Variants in DNAH14 observed in about 807,000 individuals in gnomAD.
DNAH14 encodes the protein axonemal beta dynein heavy chain 14.
Under a neutral mutation model 520.9 loss-of-function variants are expected in DNAH14, and 478 were observed. The observed-to-expected ratio is 0.92, with a 90% CI of 0.85 to 0.99. DNAH14 has a LOEUF of 0.99. Ranked by LOEUF, DNAH14 falls within the 50% of genes least tolerant of loss-of-function variation. DNAH14 has a pLI of 0.00. For synonymous variants in DNAH14, 1,581 were observed against 1,757.2 expected (o/e 0.90, Z 2.51); for missense variants, 4,831 against 5,234.5 (o/e 0.92, Z 2.38).
intron 60 of DNAH14, among the ~76,000 whole-genome samples, chr1:225,313,565 C>T (rs949108210): frequency 2.6e-5 from 4 of 152,140 alleles, no homozygotes; most frequent in African/African-American, 9.7e-5. Flanking sequence ...CTCGCTTTCT[C>T]CTGTGGGCAT....
chr1:225,389,939 C>T, intron 83 of DNAH14, 66 bp downstream of exon 83: 1 of 1,429,508 alleles, frequency 7.0e-7, no homozygotes, highest in Non-Finnish European at 9.5e-7. Flanking sequence ...GTCCTTCTGT[C>T]ACTCACCCTT....
At chr1:225,381,251 C>A in intron 80 of DNAH14, 132 bp from the exon 81 acceptor site, 3 of 881,558 alleles carry the variant, frequency 3.4e-6, no homozygotes, top group Admixed American at 2.9e-5. Flanking sequence ...ATCTGACCTT[C>A]TACAGAAAAT....
At chr1:225,358,421 G>A in intron 73 of DNAH14, 75 bp from the exon 74 acceptor site, 3 of 1,244,980 alleles carry the variant, frequency 2.4e-6, no homozygotes, top group Non-Finnish European at 3.2e-6. Context: ...TCTTATTTTT[G>A]TTTCATTTTA....
rs766191101 is a variant in DNAH14 at position 225,377,430 on chromosome 1, T to C, written c.12710T>C (p.Met4237Thr). ...CCAAAAACTACCACTGCCAACCTCATGATCAGGTAAGAACTCGCTAGGAAA... is the reference window on the plus strand; with the variant it reads ...CCAAAAACTACCACTGCCAACCTCACGATCAGGTAAGAACTCGCTAGGAAA... ...MQPKTTTANL[M>T]IRPEQSKDEL... The change falls in exon 79 of 86, where the codon ATG becomes ACG. Residue 4237 changes from methionine to threonine, a missense_variant. By Grantham distance (81) the Met-to-Thr change is moderately conservative. Transcript: ENST00000682510. 14 of 1,548,642 alleles carry C rather than the reference T, an allele frequency of 9.0e-6. No individual in the cohort carries two copies. Among genetic ancestry groups the C allele is most frequent in the Non-Finnish European group, 1.2e-5 (14 of 1,145,848 alleles).
At chr1:225,177,854 A>G (rs1343833479) in intron 36 of DNAH14, among the ~76,000 whole-genome samples, 5 of 152,196 alleles carry the variant, frequency 3.3e-5, no homozygotes, top group Admixed American at 1.3e-4. Context: ...GCCCCCACAC[A>G]GAGTCTACTG....
At chr1:225,132,931 T>C (rs916218351) in intron 27 of DNAH14, among the ~76,000 whole-genome samples, 3 of 152,236 alleles carry the variant, frequency 2.0e-5, no homozygotes, top group African/African-American at 7.2e-5. Flanking sequence ...TAGCGTGAGA[T>C]GGTATCTCAT....
chr1:225,345,315 G>A (rs186421518), intron 69 of DNAH14, among the ~76,000 whole-genome samples: 1 of 152,216 alleles, frequency 6.6e-6, no homozygotes, highest in Admixed American at 6.5e-5. Context: ...AAGATAGTGA[G>A]GGCTCTAAAA....
At chr1:225,057,503 C>A (rs1035332577) in intron 17 of DNAH14, among the ~76,000 whole-genome samples, 15 of 152,070 alleles carry the variant, frequency 9.9e-5, no homozygotes, top group African/African-American at 1.7e-4. Context: ...CTCTTTTCCT[C>A]ATTGAATACC....
At position 224,982,332 on chromosome 1, in the gene DNAH14, GA is replaced by G. The variant is rs577678901; in HGVS notation, c.830+8181del. ...GACACTCAGCTGGACTGGCAAAGCA[GA>G]ATATCTGTGTGTCAGTGTACATTTT... On this transcript the variant is annotated intron_variant, in intron 8 of 85. Coordinates refer to ENST00000682510, the MANE Select transcript of DNAH14 (RefSeq NM_001367479.1). 4.0e-4 allele frequency among the ~76,000 whole-genome samples: 61 copies of G among 152,296 alleles called. No individual in the cohort carries two copies. In the South Asian group the frequency reaches 0.012, roughly 31 times the overall value.
chr1:224,951,133 T>C (rs79598572), intron 1 of DNAH14, among the ~76,000 whole-genome samples: 8,375 of 152,092 alleles, frequency 0.055, 468 homozygotes, highest in East Asian at 0.24. Flanking sequence ...TCTAGCGATT[T>C]GCCTGCCTCA....
At chr1:224,998,910 TG>T (rs1344852686) in intron 8 of DNAH14, among the ~76,000 whole-genome samples, 1 of 152,196 alleles carries the variant, frequency 6.6e-6, no homozygotes, top group Non-Finnish European at 1.5e-5. Context: ...GTTCAGCTTT[TG>T]TTTGACATTT....
At chr1:225,147,983 C>A (rs1573502491) in intron 31 of DNAH14, among the ~76,000 whole-genome samples, 1 of 152,152 alleles carries the variant, frequency 6.6e-6, no homozygotes, top group African/African-American at 2.4e-5. Context: ...TTTATGGCTG[C>A]ATAGTATTCC....
At chr1:225,395,485 G>A (rs1183793437) in intron 84 of DNAH14, among the ~76,000 whole-genome samples, 1 of 151,780 alleles carries the variant, frequency 6.6e-6, no homozygotes, top group Non-Finnish European at 1.5e-5. Flanking sequence ...CCAGCTACTC[G>A]AGAGGCTGAG....
intron 23 of DNAH14, among the ~76,000 whole-genome samples, chr1:225,116,092 A>C (rs2076853145): frequency 6.6e-6 from 1 of 152,200 alleles, no homozygotes; most frequent in Non-Finnish European, 1.5e-5. Context: ...AAAGGTAAAA[A>C]GTACAAAGAC....
intron 42 of DNAH14, among the ~76,000 whole-genome samples, chr1:225,234,754 C>A (rs1242920635): frequency 6.6e-6 from 1 of 152,016 alleles, no homozygotes; most frequent in South Asian, 2.1e-4. Flanking sequence ...TTGAATAGGT[C>A]CTTCACTTCC....
chr1:225,362,653 A>C (rs1279234304), intron 75 of DNAH14, among the ~76,000 whole-genome samples: 1 of 152,082 alleles, frequency 6.6e-6, no homozygotes, highest in Admixed American at 6.5e-5. Flanking sequence ...GCCAAAGTCC[A>C]GCCTATTAAA....
At chr1:225,157,005 G>A (rs1222358693) in intron 34 of DNAH14, among the ~76,000 whole-genome samples, 2 of 109,324 alleles carry the variant, frequency 1.8e-5, no homozygotes, top group African/African-American at 3.9e-5. Flanking sequence ...GTGAGCCACC[G>A]CGCCCGGCCT....
intron 60 of DNAH14, among the ~76,000 whole-genome samples, chr1:225,315,510 A>G (rs2094450107): frequency 1.3e-5 from 2 of 151,804 alleles, no homozygotes; most frequent in African/African-American, 4.8e-5. Context: ...CCTTTGGAGG[A>G]GAAGAGGCAT....
chr1:225,095,818 G>C (rs1219424657), intron 21 of DNAH14, among the ~76,000 whole-genome samples: 1 of 152,166 alleles, frequency 6.6e-6, no homozygotes, highest in South Asian at 2.1e-4. Flanking sequence ...ATCAGTGGTT[G>C]CCTGGTGGTA....
Sources: allele counts gnomAD v4.1 joint callset (sites outside exome capture counted in the v4.1 genomes callset), GRCh38; gene constraint gnomAD v4.1.1; transcripts MANE v1.5; gene names NCBI Gene and HGNC (gene_info 2026-07-23, HGNC 2026-07-21).